Variants in ERC1 observed in about 807,000 individuals in gnomAD.
ERC1 encodes ELKS/RAB6-interacting/CAST family member 1.
In ERC1, 56 loss-of-function variants were observed where a neutral mutation model predicts 132.0. The observed-to-expected ratio is 0.42, with a 90% CI of 0.34 to 0.53. ERC1 has a LOEUF of 0.53. Among genes scored for constraint, ERC1 ranks in the 20% least tolerant of loss-of-function variants. ERC1 has a pLI of 0.03. For missense variants in ERC1, 1,202 were observed against 1,349.9 expected, an observed-to-expected ratio of 0.89 and a Z score of 1.72; for synonymous variants, 478 against 476.1, an observed-to-expected ratio of 1.00 and a Z score of -0.05.
chr12:1,075,805 A>G (rs1941252151), intron 2 of ERC1, among the ~76,000 whole-genome samples: 1 of 152,214 alleles, frequency 6.6e-6, no homozygotes, highest in South Asian at 2.1e-4. Context: ...ACCATCACGA[A>G]GATCTTCATC....
intron 18 of ERC1, among the ~76,000 whole-genome samples, chr12:1,459,896 A>G (rs536555752): frequency 9.9e-5 from 15 of 152,232 alleles, no homozygotes; most frequent in Non-Finnish European, 1.8e-4. Context: ...TGAATTTAAC[A>G]CCAGGAAACA....
At chr12:1,330,152 T>G (rs1166281970) in intron 15 of ERC1, among the ~76,000 whole-genome samples, 1 of 152,186 alleles carries the variant, frequency 6.6e-6, no homozygotes, top group Non-Finnish European at 1.5e-5. Flanking sequence ...GTGAAATGCA[T>G]AAACAACATA....
At chr12:1,058,953 T>G (rs1475094569) in intron 2 of ERC1, among the ~76,000 whole-genome samples, 1 of 152,078 alleles carries the variant, frequency 6.6e-6, no homozygotes, top group Non-Finnish European at 1.5e-5. Context: ...TTAACAGCAT[T>G]CTTCCTATCC....
chr12:1,356,246 G>T (rs1479273397), intron 15 of ERC1, among the ~76,000 whole-genome samples: 1 of 142,332 alleles, frequency 7.0e-6, no homozygotes, highest in Non-Finnish European at 1.5e-5. Flanking sequence ...GTGTGTGTGT[G>T]TTTATATATT....
At chr12:1,423,156 G>A (rs181706921) in intron 17 of ERC1, among the ~76,000 whole-genome samples, 28 of 152,214 alleles carry the variant, frequency 1.8e-4, no homozygotes, top group Admixed American at 5.9e-4. Flanking sequence ...AAGTTTAACC[G>A]ATCAGGAACT....
chr12:1,452,467 G>C (rs2093445722), intron 18 of ERC1, among the ~76,000 whole-genome samples: 1 of 152,044 alleles, frequency 6.6e-6, no homozygotes, highest in East Asian at 1.9e-4. Context: ...CTCTGGATCT[G>C]TGTTTTGTTG....
chr12:1,101,316 C>T (rs1944632700), intron 3 of ERC1, among the ~76,000 whole-genome samples: 3 of 152,108 alleles, frequency 2.0e-5, no homozygotes, highest in Admixed American at 2.0e-4. Context: ...AGAATAATGC[C>T]TCGAATCAAT....
rs1458506779 is a variant in ERC1, at chr12:1,028,115, C to T, written c.212C>T (p.Pro71Leu). The stretch of plus-strand genomic sequence containing the variant: ...AATGCTGCCTATGCCACCTCTGGCC[C>T]TATGTATCTAAGTGACCATGAAAAT... Reference protein sequence around the residue: ...SLNAAYATSGPMYLSDHENVG... With the variant: ...SLNAAYATSGLMYLSDHENVG... Residue 71 changes from proline to leucine, a missense_variant, in exon 2 of 19, where the codon CCT becomes CTT. Physicochemically the swap from Pro to Leu is moderately conservative, Grantham distance 98. Coordinates refer to ENST00000360905, the MANE Select transcript of ERC1 (RefSeq NM_178040.4). 6.2e-7 allele frequency: 1 copy of T among 1,614,188 alleles called. No individual in the cohort carries two copies. The highest frequency in any genetic ancestry group is 1.1e-5 in the South Asian group (1 of 91,074).
At chr12:1,013,283 A>C (rs542452065) in intron 1 of ERC1, among the ~76,000 whole-genome samples, 1 of 152,158 alleles carries the variant, frequency 6.6e-6, no homozygotes, top group Non-Finnish European at 1.5e-5. Context: ...GAGAACAACT[A>C]TGATTAACAA....
chr12:1,181,844 T>G, intron 9 of ERC1, 81 bp from the exon 10 acceptor site: 1 of 1,428,990 alleles, frequency 7.0e-7, no homozygotes, highest in Non-Finnish European at 9.4e-7. Context: ...TATAGAAGTT[T>G]GAAATTCTGC....
intron 3 of ERC1, among the ~76,000 whole-genome samples, chr12:1,091,132 G>A (rs141058042): frequency 4.5e-4 from 68 of 152,226 alleles, no homozygotes; most frequent in African/African-American, 1.6e-3. Context: ...CAGGTGATCT[G>A]CCTGACTCGG....
rs369105514 is a variant in ERC1, at chr12:1,304,759, G to A, written c.2780+14747G>A. Among the ~76,000 whole-genome samples, 21 of 128,664 alleles carry A rather than the reference G, an allele frequency of 1.6e-4. No individual in the cohort carries two copies. In the East Asian group the frequency reaches 5.2e-3, roughly 32 times the overall value. The allele number at this position is 128,664 out of a possible 152,430, so 84.4% of individuals were successfully genotyped here. On this transcript the variant is annotated intron_variant, in intron 15 of 18. Transcript: ENST00000360905. ...TTATTTCGAGTTTTTACAATGTGAA[G>A]TCTTCTGTTTGTTGTAACTCTTTTT...
At chr12:1,061,717 C>T (rs1937960169) in intron 2 of ERC1, among the ~76,000 whole-genome samples, 2 of 151,784 alleles carry the variant, frequency 1.3e-5, no homozygotes, top group Non-Finnish European at 2.9e-5. Flanking sequence ...CTCTCCCCCC[C>T]CATATCTCCA....
chr12:1,196,195 G>A lies in ERC1; in HGVS notation c.2351+6143G>A, dbSNP rs1332285480. ...TCTTTTCAAATCAGCCCACTCAGGT[G>A]TCAGTCCTACTTTTCTTTTGTTGTA... is the stretch of plus-strand genomic sequence containing the variant. On this transcript the variant is annotated intron_variant, in intron 12 of 18. Coordinates refer to ENST00000360905, the MANE Select transcript of ERC1 (RefSeq NM_178040.4). 2.0e-5 allele frequency among the ~76,000 whole-genome samples: 3 copies of A among 152,116 alleles called. No homozygotes were observed. The East Asian group carries it at 5.8e-4, about 29-fold the overall frequency.
At position 1,386,338 on chromosome 12, in the gene ERC1, C is replaced by CA. The variant is rs113736023; in HGVS notation, c.2925+14369dup. Among the ~76,000 whole-genome samples the CA allele has an allele frequency of 7.2e-4, 108 of 150,734 alleles. 2 individuals carry two copies. Among genetic ancestry groups the CA allele is most frequent in the African/African-American group, 2.2e-3 (91 of 41,176 alleles). On this transcript the variant is annotated intron_variant, in intron 16 of 18. Coordinates refer to ENST00000360905, the MANE Select transcript of ERC1 (RefSeq NM_178040.4). ...AGGCGCAAACCACTGTGCCCGGTCA[C>CA]AAAAAAAATTTTAATTGAAATGCAT...
chr12:1,121,743 C>G (rs1450642506), intron 7 of ERC1, among the ~76,000 whole-genome samples: 3 of 5,614 alleles, frequency 5.3e-4, no homozygotes, highest in Non-Finnish European at 1.4e-3. Context: ...CTATCTCTAT[C>G]TATCTCTATC....
At chr12:1,185,266 C>G (rs944889795) in intron 11 of ERC1, among the ~76,000 whole-genome samples, 1 of 151,972 alleles carries the variant, frequency 6.6e-6, no homozygotes, top group African/African-American at 2.4e-5. Flanking sequence ...GTCTCAAACC[C>G]CTGCCTCAAG....
chr12:1,302,201 A>G (rs1224579589), intron 15 of ERC1, among the ~76,000 whole-genome samples: 2 of 152,248 alleles, frequency 1.3e-5, no homozygotes, highest in African/African-American at 4.8e-5. Flanking sequence ...TCAGTATTCA[A>G]AAATGAATTA....
chr12:1,495,124 G>A lies in ERC1; in HGVS notation c.*4894G>A, dbSNP rs1459451397. The A allele has an allele frequency of 8.7e-6, 2 of 229,878 alleles. No homozygotes were observed. Among genetic ancestry groups the A allele is most frequent in the African/African-American group, 4.4e-5 (2 of 45,112 alleles). 14.2% of individuals were successfully genotyped at this position (229,878 alleles called of 1,614,324 possible). A position where few individuals can be genotyped will look rare whatever the true frequency, so the allele number is the denominator to read the frequency against. The stretch of plus-strand genomic sequence containing the variant: ...CTCACCCGACGTGGGTTCTAGCTCA[G>A]TGTGCCTAATACTGCATGGTAACCT... On this transcript the variant is annotated 3_prime_UTR_variant, in exon 19 of 19. Transcript: ENST00000360905.
Sources: allele counts gnomAD v4.1 joint callset (sites outside exome capture counted in the v4.1 genomes callset), GRCh38; gene constraint gnomAD v4.1.1; transcripts MANE v1.5; gene names NCBI Gene and HGNC (gene_info 2026-07-23, HGNC 2026-07-21).